NPAS3: variants seen among roughly 807,000 people sequenced by gnomAD.
NPAS3 encodes the protein neuronal PAS domain-containing protein 3.
Under a neutral mutation model 73.1 loss-of-function variants are expected in NPAS3, and 14 were observed. The observed-to-expected ratio is 0.19, with a 90% confidence interval of 0.13 to 0.30. The LOEUF (loss-of-function observed/expected upper bound fraction) is 0.30, where lower values mean the gene tolerates loss of function less well. Ranked by LOEUF, NPAS3 falls within the 10% of genes least tolerant of loss-of-function variation. The pLI is 1.00. For missense variants in NPAS3, 1,096 were observed against 1,250.0 expected (o/e 0.88, Z 1.86); for synonymous variants, 620 against 541.5 (o/e 1.14, Z -2.01).
At chr14:33,173,228 A>C (rs893856692) in intron 2 of NPAS3, among the ~76,000 whole-genome samples, 1 of 152,216 alleles carries the variant, frequency 6.6e-6, no homozygotes, top group Non-Finnish European at 1.5e-5. Flanking sequence ...TAGCAAGCTA[A>C]GTTTCATCAT....
intron 1 of NPAS3, among the ~76,000 whole-genome samples, chr14:33,043,916 T>A (rs1476196655): frequency 2.0e-5 from 3 of 152,204 alleles, no homozygotes; most frequent in African/African-American, 7.2e-5. Context: ...TCCAGTACTC[T>A]ACTTCATAGT....
chr14:33,456,583 GT>G (rs1408879459), intron 4 of NPAS3, among the ~76,000 whole-genome samples: 1 of 152,170 alleles, frequency 6.6e-6, no homozygotes, highest in Admixed American at 6.5e-5. Context: ...GATTAAAATA[GT>G]TTTTAAGAGC....
chr14:33,401,435 T>G (rs1251804192), intron 4 of NPAS3, among the ~76,000 whole-genome samples: 1 of 152,028 alleles, frequency 6.6e-6, no homozygotes, highest in Non-Finnish European at 1.5e-5. Flanking sequence ...TACGAGAACT[T>G]GTAATTTGGT....
At chr14:33,649,944 G>C (rs1414942823) in intron 5 of NPAS3, among the ~76,000 whole-genome samples, 1 of 152,174 alleles carries the variant, frequency 6.6e-6, no homozygotes, top group Non-Finnish European at 1.5e-5. Flanking sequence ...TATATTTTCT[G>C]GCAAAGGTCA....
At chr14:33,247,931 T>G (rs905698354) in intron 3 of NPAS3, among the ~76,000 whole-genome samples, 2 of 152,188 alleles carry the variant, frequency 1.3e-5, no homozygotes, top group Middle Eastern at 3.2e-3. Context: ...AGGAGGGCAG[T>G]GTTTGCAGAA....
chr14:33,199,298 G>A (rs1361844679), intron 2 of NPAS3, among the ~76,000 whole-genome samples: 2 of 152,182 alleles, frequency 1.3e-5, no homozygotes, highest in Non-Finnish European at 2.9e-5. Context: ...ACCTCTCACT[G>A]CCTCTGTCTA....
chr14:33,433,557 A>G (rs1171272244), intron 4 of NPAS3, among the ~76,000 whole-genome samples: 2 of 152,208 alleles, frequency 1.3e-5, no homozygotes, highest in Non-Finnish European at 2.9e-5. Flanking sequence ...AATGTTCTCC[A>G]TACATTTGGA....
At chr14:33,692,178 C>T (rs919064523) in intron 6 of NPAS3, among the ~76,000 whole-genome samples, 1 of 152,058 alleles carries the variant, frequency 6.6e-6, no homozygotes, top group African/African-American at 2.4e-5. Context: ...AAGTATTGCC[C>T]ATTTTTCATT....
Position 33,778,449 on chromosome 14 carries a change from T to C in NPAS3, c.1047-17T>C, listed in dbSNP as rs755242466. Reference sequence around the variant, plus strand: ...TTCCTCCTTTCTGAATTCCAGCCTGTGTTCTTCTCTTTGTAGGATTAGTGA... The same window carrying C: ...TTCCTCCTTTCTGAATTCCAGCCTGCGTTCTTCTCTTTGTAGGATTAGTGA... On this transcript the variant is annotated splice_polypyrimidine_tract_variant and intron_variant, in intron 8 of 11. Coordinates refer to ENST00000356141, the Ensembl canonical transcript of NPAS3. 2 of 1,527,912 alleles carry C rather than the reference T, an allele frequency of 1.3e-6. No individual in the cohort carries two copies. Among genetic ancestry groups the C allele is most frequent in the East Asian group, 2.2e-5 (1 of 44,498 alleles). The allele number at this position is 1,527,912 out of a possible 1,614,324, so 94.6% of individuals were successfully genotyped here.
chr14:33,308,527 T>TATATATATATATATATATATACACACAC, intron 3 of NPAS3, among the ~76,000 whole-genome samples: 14 of 103,710 alleles, frequency 1.3e-4, no homozygotes, highest in Admixed American at 9.5e-4. Flanking sequence ...TATATATATA[T>TATATATATATATATATATATACACACAC]ACATACACAC....
intron 3 of NPAS3, among the ~76,000 whole-genome samples, 154 bp from the exon 4 acceptor site, chr14:33,367,032 G>T (rs1207479284): frequency 1.3e-5 from 2 of 152,100 alleles, no homozygotes; most frequent in Non-Finnish European, 1.5e-5. Context: ...TTTATGCTTA[G>T]ACAACTCAGA....
At chr14:33,309,465 T>C (rs577262604) in intron 3 of NPAS3, among the ~76,000 whole-genome samples, 20 of 152,334 alleles carry the variant, frequency 1.3e-4, no homozygotes, top group African/African-American at 4.8e-4. Flanking sequence ...GGCTCTCAAA[T>C]GTGTGGGCTG....
rs1046405855 is a variant in NPAS3, at chr14:33,344,191, C to A, written c.386-22995C>A. Among the ~76,000 whole-genome samples, 5 of 152,222 alleles carry A rather than the reference C, an allele frequency of 3.3e-5. No individual in the cohort carries two copies. The East Asian group carries it at 9.7e-4, about 29-fold the overall frequency. Reference sequence around the variant, plus strand: ...TCTTTGCAAAGGAGAGAGGATAGAACAACAAACTTGGTTTCTTTTGGATAG... The same window carrying A: ...TCTTTGCAAAGGAGAGAGGATAGAAAAACAAACTTGGTTTCTTTTGGATAG... On this transcript the variant is annotated intron_variant, in intron 3 of 11. Coordinates refer to ENST00000356141, the Ensembl canonical transcript of NPAS3.
At chr14:33,384,540 G>A (rs1453350861) in intron 4 of NPAS3, among the ~76,000 whole-genome samples, 2 of 151,968 alleles carry the variant, frequency 1.3e-5, no homozygotes. Context: ...GATCAGCCTG[G>A]CCAACATGGT....
chr14:33,114,515 A>G (rs1305583757), intron 2 of NPAS3, among the ~76,000 whole-genome samples: 6 of 152,178 alleles, frequency 3.9e-5, no homozygotes, highest in Non-Finnish European at 5.9e-5. Context: ...AGACTTGGGT[A>G]TTTGACAAAC....
At chr14:33,398,779 A>T (rs2047328511) in intron 4 of NPAS3, among the ~76,000 whole-genome samples, 1 of 152,118 alleles carries the variant, frequency 6.6e-6, no homozygotes, top group African/African-American at 2.4e-5. Context: ...TAGTAAGAAA[A>T]TGCTGATTGT....
At chr14:32,992,179 C>A (rs2139482909) in intron 1 of NPAS3, among the ~76,000 whole-genome samples, 1 of 152,214 alleles carries the variant, frequency 6.6e-6, no homozygotes. Flanking sequence ...ACCAAAGCTG[C>A]TCCTCCATGG....
At chr14:33,232,131 A>G (rs996143178) in intron 3 of NPAS3, among the ~76,000 whole-genome samples, 2 of 152,150 alleles carry the variant, frequency 1.3e-5, no homozygotes, top group African/African-American at 4.8e-5. Flanking sequence ...AGTTGCTTAG[A>G]TTGCGGATCC....
At chr14:33,080,335 T>C (rs2041826581) in intron 2 of NPAS3, among the ~76,000 whole-genome samples, 1 of 151,976 alleles carries the variant, frequency 6.6e-6, no homozygotes, top group African/African-American at 2.4e-5. Flanking sequence ...CTCAATCTCC[T>C]GACCTCGTGA....
Sources: gnomAD v4.1 joint callset for allele counts (sites outside exome capture counted in the v4.1 genomes callset) on GRCh38, gnomAD v4.1.1 for gene constraint, MANE v1.5 for transcripts, NCBI Gene and HGNC (gene_info 2026-07-23, HGNC 2026-07-21) for gene names.